The following MPP3 variants were observed in gnomAD, a reference collection of about 807,000 sequenced individuals.
MPP3 encodes the protein MAGUK p55 scaffold protein 3.
Under a neutral mutation model 80.7 loss-of-function variants are expected in MPP3, and 48 were observed. The observed-to-expected ratio is 0.59, with a 90% CI of 0.47 to 0.76. The LOEUF (loss-of-function observed/expected upper bound fraction) is 0.76. MPP3 is among the 30% of genes least tolerant of loss of function. The pLI is 0.00. For missense variants in MPP3, 620 were observed against 763.0 expected (o/e 0.81, Z 2.21); for synonymous variants, 311 against 297.6 (o/e 1.04, Z -0.46).
chr17:43,807,033 G>A (rs574034029), intron 19 of MPP3, among the ~76,000 whole-genome samples: 34 of 151,538 alleles, frequency 2.2e-4, no homozygotes, highest in African/African-American at 6.5e-4. Flanking sequence ...GTGCAGTGGC[G>A]TGATTTTGGC....
intron 4 of MPP3, 104 bp from the exon 5 acceptor site, chr17:43,831,425 A>T: frequency 7.2e-7 from 1 of 1,384,536 alleles, no homozygotes; most frequent in Middle Eastern, 1.8e-4. Context: ...AGGGCACCAT[A>T]AGAGAAAGTC....
At position 43,827,815 on chromosome 17, in the gene MPP3, C is replaced by T. The variant is rs1483007279; in HGVS notation, c.459G>A (p.Arg153=). Residue 153 remains arginine, a synonymous_variant, in exon 8 of 20, where the codon CGG becomes CGA. Transcript: ENST00000398389. ...CCACAACAGCCCCTGAGTGCTCGTCCCGCCGGATGGTGGCACCCTGAACCC... is the reference window on the plus strand; with the variant it reads ...CCACAACAGCCCCTGAGTGCTCGTCTCGCCGGATGGTGGCACCCTGAACCC... ...NKEPLGATIR[R]DEHSGAVVVA... 2 of 1,613,276 alleles carry T rather than the reference C, an allele frequency of 1.2e-6. No homozygotes were observed. The highest frequency in any genetic ancestry group is 1.7e-6 in the Non-Finnish European group (2 of 1,180,028).
chr17:43,817,208 T>TG (rs1344596874), intron 12 of MPP3, among the ~76,000 whole-genome samples: 1 of 152,174 alleles, frequency 6.6e-6, no homozygotes, highest in Non-Finnish European at 1.5e-5. Context: ...AGAGAGACCA[T>TG]GCTCTGGAAA....
intron 7 of MPP3, 115 bp from the exon 8 acceptor site, chr17:43,827,947 C>A (rs138728546): frequency 2.2e-6 from 2 of 903,236 alleles, no homozygotes; most frequent in African/African-American, 1.6e-5. Context: ...CCAGAGAGAT[C>A]AGTGGGGACC....
Position 43,821,053 on chromosome 17 carries a change from G to T in MPP3, c.690C>A (p.Phe230Leu). Residue 230 changes from phenylalanine (F) to leucine (L), a missense_variant, in exon 11 of 20, where the codon TTC (phenylalanine) becomes TTA (leucine). By Grantham distance (22) the Phe-to-Leu change is conservative. Coordinates refer to ENST00000398389, the MANE Select transcript of MPP3 (RefSeq NM_001932.6). ...GGTTGTAGTGGAAGAGGGCGCGCAT[G>T]AACACCTGCACAAGGAGGGCTCTGG... ...EEDRLKESKV[F>L]MRALFHYNPR... The T allele has an allele frequency of 6.2e-7, 1 of 1,613,750 alleles. No homozygotes were observed. The highest frequency in any genetic ancestry group is 1.1e-5 in the South Asian group (1 of 91,024).
intron 19 of MPP3, among the ~76,000 whole-genome samples, chr17:43,802,280 A>G (rs1259830481): frequency 6.6e-6 from 1 of 152,240 alleles, no homozygotes; most frequent in East Asian, 1.9e-4. Context: ...TTAAATAATT[A>G]TAAGAAAGAA....
intron 19 of MPP3, 113 bp from the exon 20 acceptor site, chr17:43,801,990 A>T: frequency 1.0e-6 from 1 of 1,003,640 alleles, no homozygotes; most frequent in Non-Finnish European, 1.4e-6. Flanking sequence ...TGAGTGGATG[A>T]CTAGGTCCCA....
intron 6 of MPP3, 78 bp from the exon 7 acceptor site, chr17:43,829,869 G>C: frequency 1.3e-6 from 2 of 1,599,596 alleles, no homozygotes; most frequent in Non-Finnish European, 1.7e-6. Flanking sequence ...CGGTGGTATG[G>C]AGGGTGGCAG....
At chr17:43,831,527 A>G in intron 4 of MPP3, 32 bp downstream of exon 4, 1 of 1,524,520 alleles carries the variant, frequency 6.6e-7, no homozygotes, top group Non-Finnish European at 9.1e-7. Flanking sequence ...ACCTCTAGAC[A>G]CCCTTCCACG....
chr17:43,826,927 C>T (rs2045729113), intron 8 of MPP3, among the ~76,000 whole-genome samples: 1 of 151,756 alleles, frequency 6.6e-6, no homozygotes. Context: ...CCTCAAACTC[C>T]TGGGCTCAAA....
chr17:43,808,414 G>A (rs1011092789), intron 19 of MPP3, among the ~76,000 whole-genome samples: 7 of 152,224 alleles, frequency 4.6e-5, no homozygotes, highest in Non-Finnish European at 2.9e-5. Flanking sequence ...GGTTTTGGGT[G>A]AGGGTCTCGC....
intron 6 of MPP3, 51 bp downstream of exon 6, chr17:43,829,976 C>G (rs756778751): frequency 6.3e-7 from 1 of 1,589,790 alleles, no homozygotes; most frequent in Non-Finnish European, 8.6e-7. Context: ...CCCTCCGCCC[C>G]CATCCCAGGA....
In MPP3 at chr17:43,811,205, T is replaced by A; in HGVS notation, c.1256A>T (p.His419Leu). The A allele has an allele frequency of 1.9e-6, 3 of 1,613,008 alleles. No individual in the cohort carries two copies. Among genetic ancestry groups the A allele is most frequent in the Non-Finnish European group, 2.5e-6 (3 of 1,178,990 alleles). The change falls in exon 17 of 20, where the codon CAT (histidine) becomes CTT (leucine). Residue 419 changes from histidine (H) to leucine (L), a missense_variant and splice_region_variant. Transcript: ENST00000398389. ...NPQHFGVAVPHTTRPRKSHEK... is the reference protein window; with the variant it reads ...NPQHFGVAVPLTTRPRKSHEK... ...ATGGCTCTTTCGGGGCCTGGTGGTATCTTTTAAAGAAAGAAGGAAAGCTGG... is the reference window on the plus strand; with the variant it reads ...ATGGCTCTTTCGGGGCCTGGTGGTAACTTTTAAAGAAAGAAGGAAAGCTGG...
rs1186733093 is a variant in MPP3 at position 43,829,657 on chromosome 17, G to T, written c.438C>A (p.Pro146=). The change falls in exon 7 of 20, where the codon CCC becomes CCA. Residue 146 remains proline (P), a synonymous_variant. Transcript: ENST00000398389. ...KIVRLVKNKE[P]LGATIRRDEH... is the part of the protein sequence containing the mutation. ...AGGGGCAGGCAGCAGCACCTACCAG[G>T]GGTTCCTTGTTCTTCACCAAGCGGA... is the stretch of plus-strand genomic sequence containing the variant. The T allele has an allele frequency of 1.2e-6, 2 of 1,613,814 alleles. No individual in the cohort carries two copies. Among genetic ancestry groups the T allele is most frequent in the African/African-American group, 1.3e-5 (1 of 75,024 alleles).
intron 14 of MPP3, chr17:43,815,778 G>A (rs1225353648): frequency 1.5e-6 from 1 of 675,256 alleles, no homozygotes; most frequent in Non-Finnish European, 2.7e-6. Flanking sequence ...AATAGAATTG[G>A]TATTAATGTA....
chr17:43,822,294 T>G (rs2045496809), intron 10 of MPP3, among the ~76,000 whole-genome samples: 1 of 152,186 alleles, frequency 6.6e-6, no homozygotes, highest in South Asian at 2.1e-4. Flanking sequence ...AAATCCACAT[T>G]CTTCAAAGTA....
At chr17:43,827,006 TTTTC>T (rs2045733224) in intron 8 of MPP3, among the ~76,000 whole-genome samples, 1 of 132,496 alleles carries the variant, frequency 7.5e-6, no homozygotes, top group African/African-American at 3.5e-5. Context: ...ATGGCCTATA[TTTTC>T]TTTTTCTTTT....
rs1395160549 is a variant in MPP3, at chr17:43,821,046, C to T, written c.697G>A (p.Ala233Thr). 1.5e-5 allele frequency: 24 copies of T among 1,613,724 alleles called. No individual in the cohort carries two copies. Among genetic ancestry groups the T allele is most frequent in the South Asian group, 5.5e-5 (5 of 91,034 alleles). Residue 233 changes from alanine (A) to threonine (T), a missense_variant, in exon 11 of 20, where the codon GCC becomes ACC. Coordinates refer to ENST00000398389, the MANE Select transcript of MPP3 (RefSeq NM_001932.6). ...RLKESKVFMR[A>T]LFHYNPREDR... Reference sequence around the variant, plus strand: ...TCCCGAGGGTTGTAGTGGAAGAGGGCGCGCATGAACACCTGCACAAGGAGG... The same window carrying T: ...TCCCGAGGGTTGTAGTGGAAGAGGGTGCGCATGAACACCTGCACAAGGAGG...
At position 43,821,212 on chromosome 17, in the gene MPP3, T is replaced by TGTTC. The variant is rs550331678; in HGVS notation, c.685-158_685-155dup. Among the ~76,000 whole-genome samples the TGTTC allele has an allele frequency of 4.2e-3, 643 of 152,350 alleles. 4 individuals carry two copies. Among genetic ancestry groups the TGTTC allele is most frequent in the African/African-American group, 0.013 (553 of 41,580 alleles). On this transcript the variant is annotated intron_variant, in intron 10 of 19. Transcript: ENST00000398389. The stretch of plus-strand genomic sequence containing the variant: ...GCTACTTGGAAATACACTGCACGTA[T>TGTTC]GTTCTTAACTGTTCTTCAACCATTT...
Sources: allele counts gnomAD v4.1 joint callset (sites outside exome capture counted in the v4.1 genomes callset), GRCh38; gene constraint gnomAD v4.1.1; transcripts MANE v1.5; gene names NCBI Gene and HGNC (gene_info 2026-07-23, HGNC 2026-07-21).